COL9A1: variants seen among roughly 807,000 people sequenced by gnomAD.
The protein encoded by COL9A1 is collagen alpha-1(IX) chain.
A neutral mutation model predicts 142.6 loss-of-function variants in COL9A1; 104 were observed. That is an observed-to-expected ratio of 0.73 (90% confidence interval 0.62 to 0.86). COL9A1 has a LOEUF of 0.86. Among genes scored for constraint, COL9A1 ranks in the 40% least tolerant of loss-of-function variants. COL9A1 has a pLI of 0.00. For synonymous variants in COL9A1, 466 were observed against 396.0 expected, an observed-to-expected ratio of 1.18 and a Z score of -2.10; for missense variants, 1,210 against 1,176.6, an observed-to-expected ratio of 1.03 and a Z score of -0.42.
intron 1 of COL9A1, 127 bp from the exon 2 acceptor site, chr6:70,302,201 T>C (rs1305592792): frequency 1.9e-6 from 1 of 539,444 alleles, no homozygotes; most frequent in African/African-American, 2.1e-5. Flanking sequence ...TTTTTTTTCA[T>C]TTCTTTTTTT....
chr6:70,235,930 C>T (rs897618696), intron 33 of COL9A1, among the ~76,000 whole-genome samples: 5 of 151,610 alleles, frequency 3.3e-5, no homozygotes, highest in African/African-American at 1.2e-4. Flanking sequence ...CTGGCTAACA[C>T]GGTGAAACCC....
chr6:70,284,771 G>A (rs1017417555), intron 5 of COL9A1, among the ~76,000 whole-genome samples: 1 of 152,202 alleles, frequency 6.6e-6, no homozygotes, highest in African/African-American at 2.4e-5. Flanking sequence ...CTTTGTCATT[G>A]ATGTTATGCA....
intron 4 of COL9A1, among the ~76,000 whole-genome samples, chr6:70,297,759 A>G (rs1373089549): frequency 6.6e-6 from 1 of 152,170 alleles, no homozygotes; most frequent in African/African-American, 2.4e-5. Context: ...CCTTAACCCA[A>G]AAAAGACCGT....
At chr6:70,280,220 C>T in intron 10 of COL9A1, 1 of 1,009,530 alleles carries the variant, frequency 9.9e-7, no homozygotes, top group Non-Finnish European at 1.3e-6. Context: ...GCCAGTAATG[C>T]CAGCCAGAAA....
intron 19 of COL9A1, among the ~76,000 whole-genome samples, chr6:70,262,382 C>A (rs1771744658): frequency 6.6e-6 from 1 of 152,174 alleles, no homozygotes; most frequent in Admixed American, 6.5e-5. Flanking sequence ...AACTTAATTT[C>A]CCTTACACTT....
At position 70,256,795 on chromosome 6, in the gene COL9A1, A is replaced by T. The variant is rs762729312; in HGVS notation, c.1476T>A (p.Pro492=). ...GTGCACCAGGAAGACCCTGAGGCCC[A>T]GGTTCACCATCTAAGCCCCGAGCAC... is the stretch of plus-strand genomic sequence containing the variant. ...EKGARGLDGE[P]GPQGLPGAPG... is the part of the protein sequence containing the mutation. Residue 492 remains proline (P), a synonymous_variant, in exon 21 of 38, where the codon CCT becomes CCA. Coordinates refer to ENST00000357250, the MANE Select transcript of COL9A1 (RefSeq NM_001851.6). The T allele has an allele frequency of 2.5e-6, 4 of 1,613,782 alleles. No homozygotes were observed. The highest frequency in any genetic ancestry group is 3.4e-6 in the Non-Finnish European group (4 of 1,179,922).
chr6:70,282,339 G>T (rs541330024), intron 7 of COL9A1, among the ~76,000 whole-genome samples: 3 of 152,088 alleles, frequency 2.0e-5, no homozygotes, highest in Non-Finnish European at 4.4e-5. Context: ...GGGCTTATGC[G>T]CCCCCGCCGG....
intron 33 of COL9A1, among the ~76,000 whole-genome samples, chr6:70,236,811 C>T (rs1329222115): frequency 6.6e-6 from 1 of 151,872 alleles, no homozygotes; most frequent in African/African-American, 2.4e-5. Context: ...GGGTGCAAAA[C>T]TGTAACAACT....
chr6:70,227,688 T>C (rs1029176428), intron 36 of COL9A1, among the ~76,000 whole-genome samples: 1 of 152,112 alleles, frequency 6.6e-6, no homozygotes. Flanking sequence ...AAATGAAATA[T>C]GTACAATGTT....
chr6:70,267,327 G>GGTTTTTT (rs757813161), intron 17 of COL9A1, among the ~76,000 whole-genome samples: 2 of 127,054 alleles, frequency 1.6e-5, no homozygotes, highest in African/African-American at 3.0e-5. Context: ...TGGTTTTTTT[G>GGTTTTTT]TTTTTTTTTT....
rs6900713 is a variant in COL9A1 at position 70,237,758 on chromosome 6, G to T, written c.2112+1496C>A. On this transcript the variant is annotated intron_variant, in intron 33 of 37. Coordinates refer to ENST00000357250, the MANE Select transcript of COL9A1 (RefSeq NM_001851.6). ...GTTAAAAATTCTTAGGCATAAAAATGTTACTTGAAACTTGAGACATAGTGT... is the reference window on the plus strand; with the variant it reads ...GTTAAAAATTCTTAGGCATAAAAATTTTACTTGAAACTTGAGACATAGTGT... Among the ~76,000 whole-genome samples the T allele has an allele frequency of 9.4e-3, 1,433 of 152,286 alleles. 21 individuals carry two copies. Among genetic ancestry groups the T allele is most frequent in the African/African-American group, 0.031 (1,285 of 41,552 alleles).
chr6:70,234,453 T>C, intron 35 of COL9A1, 86 bp downstream of exon 35: 1 of 1,388,912 alleles, frequency 7.2e-7, no homozygotes. Context: ...AAGTCACTCT[T>C]GTTTACCCTT....
At chr6:70,254,360 TA>T in intron 25 of COL9A1, 115 bp downstream of exon 25, 1 of 873,618 alleles carries the variant, frequency 1.1e-6, no homozygotes, top group Non-Finnish European at 1.8e-6. Flanking sequence ...AATGTAAAAG[TA>T]AAACATCATA....
intron 14 of COL9A1, among the ~76,000 whole-genome samples, 172 bp from the exon 15 acceptor site, chr6:70,270,539 A>C (rs914849709): frequency 6.6e-6 from 1 of 152,194 alleles, no homozygotes; most frequent in Non-Finnish European, 1.5e-5. Context: ...GTTCTACAAA[A>C]TGAGAGTAAT....
intron 30 of COL9A1, among the ~76,000 whole-genome samples, 169 bp downstream of exon 30, chr6:70,241,795 C>G (rs1214443869): frequency 6.6e-6 from 1 of 152,086 alleles, no homozygotes; most frequent in African/African-American, 2.4e-5. Flanking sequence ...TATTAATAGA[C>G]TTTTTGCTTC....
intron 20 of COL9A1, among the ~76,000 whole-genome samples, chr6:70,260,217 C>T (rs1583280211): frequency 6.6e-6 from 1 of 152,090 alleles, no homozygotes; most frequent in Non-Finnish European, 1.5e-5. Flanking sequence ...TTGTGAAAAC[C>T]TAATCACACA....
intron 10 of COL9A1, among the ~76,000 whole-genome samples, chr6:70,277,169 C>T (rs1413935006): frequency 1.3e-5 from 2 of 152,104 alleles, no homozygotes; most frequent in Non-Finnish European, 2.9e-5. Context: ...TTCTGCTTAT[C>T]TCATATGGGT....
intron 17 of COL9A1, among the ~76,000 whole-genome samples, chr6:70,267,570 C>A (rs1368361830): frequency 6.6e-6 from 1 of 151,866 alleles, no homozygotes; most frequent in Non-Finnish European, 1.5e-5. Flanking sequence ...GATCCACCCA[C>A]CTCGGCCTCC....
rs1583186868 is a variant in COL9A1 at position 70,216,536 on chromosome 6, A to C, written c.*361T>G. 2 of 246,222 alleles carry C rather than the reference A, an allele frequency of 8.1e-6. No individual in the cohort carries two copies. Among genetic ancestry groups the C allele is most frequent in the East Asian group, 1.9e-4 (2 of 10,650 alleles). 15.3% of individuals were successfully genotyped at this position (246,222 alleles called of 1,614,324 possible). On this transcript the variant is annotated 3_prime_UTR_variant, in exon 38 of 38. Transcript: ENST00000357250. ...AACTACTGCAACTGAGGTAAACCAA[A>C]CAGTTGTTTTTGTTTATTGGCACAG...
Sources: allele counts gnomAD v4.1 joint callset (sites outside exome capture counted in the v4.1 genomes callset), GRCh38; gene constraint gnomAD v4.1.1; transcripts MANE v1.5; gene names NCBI Gene and HGNC (gene_info 2026-07-23, HGNC 2026-07-21).